AKR1C4: variants seen among roughly 807,000 people sequenced by gnomAD.
AKR1C4 encodes the protein aldo-keto reductase family 1 member C4, also known as 3-alpha-HSD1.
Under a neutral mutation model 41.0 loss-of-function variants are expected in AKR1C4, and 44 were observed. The observed-to-expected ratio is 1.07, with a 90% CI of 0.84 to 1.38. The LOEUF is 1.38. Among genes scored for constraint, AKR1C4 ranks in the 40% most tolerant of loss-of-function variants. The pLI is 0.00. For missense variants in AKR1C4, 438 were observed against 387.9 expected (o/e 1.13, Z -1.09); for synonymous variants, 165 against 137.7 (o/e 1.20, Z -1.39).
Position 5,218,737 on chromosome 10 carries a change from T to A in AKR1C4, c.949T>A (p.Tyr317Asn). ...VMDFLMDHPD[Y>N]PFSDEY Reference sequence around the variant, plus strand: ...TTTCAGTCTTATGGACCATCCTGATTATCCATTTTCAGATGAATATTAGCA... The same window carrying A: ...TTTCAGTCTTATGGACCATCCTGATAATCCATTTTCAGATGAATATTAGCA... The change falls in exon 9 of 9, where the codon TAT becomes AAT. Residue 317 changes from tyrosine (Y) to asparagine (N), a missense_variant. Transcript: ENST00000263126. 1 of 1,604,156 alleles carries A rather than the reference T, an allele frequency of 6.2e-7. No homozygotes were observed. Among genetic ancestry groups the A allele is most frequent in the South Asian group, 1.1e-5 (1 of 90,880 alleles).
Position 5,200,241 on chromosome 10 carries a change from A to G in AKR1C4, c.145A>G (p.Ile49Val), listed in dbSNP as rs571238935. Residue 49 changes from isoleucine to valine, a missense_variant, in exon 2 of 9, where the codon ATT (isoleucine) becomes GTT (valine). Ile to Val is a conservative substitution (Grantham distance 29, BLOSUM62 3). Transcript: ENST00000263126. ...KLAIEAGFRH[I>V]DSAYLYNNEE... ...AGCAATAGAAGCTGGCTTCCGCCATATTGATTCTGCTTATTTATACAATAA... is the reference window on the plus strand; with the variant it reads ...AGCAATAGAAGCTGGCTTCCGCCATGTTGATTCTGCTTATTTATACAATAA... The G allele has an allele frequency of 8.7e-6, 14 of 1,614,214 alleles. No homozygotes were observed. In the African/African-American group the frequency reaches 1.7e-4, roughly 20 times the overall value.
At chr10:5,213,711 G>A (rs1334472) in intron 7 of AKR1C4, among the ~76,000 whole-genome samples, 147,796 of 152,252 alleles carry the variant, frequency 0.97, 71,899 homozygotes, top group Middle Eastern at 1. Context: ...ATGGTTTGAA[G>A]TTTAGCCTAA....
chr10:5,204,311 G>C (rs1588338020), intron 2 of AKR1C4, 66 bp from the exon 3 acceptor site: 1 of 1,237,376 alleles, frequency 8.1e-7, no homozygotes, highest in East Asian at 2.3e-5. Flanking sequence ...TAAATATTAG[G>C]TGAAGCAAAC....
chr10:5,199,922 C>T (rs1832371132), intron 1 of AKR1C4, among the ~76,000 whole-genome samples: 1 of 152,180 alleles, frequency 6.6e-6, no homozygotes, highest in South Asian at 2.1e-4. Context: ...ACTTAAAGAA[C>T]AAAACTAAAA....
At chr10:5,214,815 C>T (rs1353402093) in intron 7 of AKR1C4, among the ~76,000 whole-genome samples, 1 of 151,982 alleles carries the variant, frequency 6.6e-6, no homozygotes, top group Non-Finnish European at 1.5e-5. Context: ...TTAGAGTATT[C>T]CATTAAAATT....
chr10:5,207,648 G>C (rs191666338), intron 5 of AKR1C4: 34 of 1,143,412 alleles, frequency 3.0e-5, no homozygotes. Flanking sequence ...GGCATTTGCA[G>C]CCTACCTGTG....
At chr10:5,207,841 C>A in intron 5 of AKR1C4, 1 of 263,164 alleles carries the variant, frequency 3.8e-6, no homozygotes, top group Non-Finnish European at 7.7e-6. Flanking sequence ...TCCTGTATGC[C>A]CTCCTGGGTG....
chr10:5,206,061 A>G (rs1213091610), intron 4 of AKR1C4, among the ~76,000 whole-genome samples: 1 of 152,198 alleles, frequency 6.6e-6, no homozygotes, highest in Non-Finnish European at 1.5e-5. Flanking sequence ...CTCCCGCTCC[A>G]TGGACATTTA....
At chr10:5,208,870 A>G (rs1221917134) in intron 5 of AKR1C4, among the ~76,000 whole-genome samples, 1 of 150,304 alleles carries the variant, frequency 6.7e-6, no homozygotes, top group Non-Finnish European at 1.5e-5. Context: ...TTATAAAACA[A>G]TGAAGAATAA....
intron 2 of AKR1C4, chr10:5,202,352 G>A (rs1437552073): frequency 5.9e-6 from 2 of 338,898 alleles, no homozygotes; most frequent in African/African-American, 4.3e-5. Flanking sequence ...TCTGTAAACG[G>A]ATTTTGTAAC....
Position 5,216,728 on chromosome 10 carries a change from G to C in AKR1C4, c.864G>C (p.Leu288Phe). The change falls in exon 8 of 9, where the codon TTG becomes TTC. Residue 288 changes from leucine (L) to phenylalanine (F), a missense_variant. Transcript: ENST00000263126. ...RENIQVFEFQ[L>F]TSEDMKVLDG... ...TTTGGTAGGTTTTTGAATTCCAGTT[G>C]ACATCAGAGGATATGAAAGTTCTAG... is the stretch of plus-strand genomic sequence containing the variant. 1 of 1,610,688 alleles carries C rather than the reference G, an allele frequency of 6.2e-7. No individual in the cohort carries two copies. Among genetic ancestry groups the C allele is most frequent in the Non-Finnish European group, 8.5e-7 (1 of 1,178,156 alleles).
chr10:5,204,181 TGTTCAGCA>T (rs1246329358), intron 2 of AKR1C4, among the ~76,000 whole-genome samples, 188 bp from the exon 3 acceptor site: 2 of 152,212 alleles, frequency 1.3e-5, no homozygotes, highest in African/African-American at 4.8e-5. Context: ...TTAATTCCAT[TGTTCAGCA>T]GTTGTACTAA....
intron 7 of AKR1C4, among the ~76,000 whole-genome samples, 197 bp from the exon 8 acceptor site, chr10:5,216,514 G>C (rs1237723566): frequency 6.6e-6 from 1 of 152,100 alleles, no homozygotes; most frequent in African/African-American, 2.4e-5. Context: ...GTTTCAATAT[G>C]TAATATCTAG....
At chr10:5,204,342 T>G in intron 2 of AKR1C4, 35 bp from the exon 3 acceptor site, 1 of 1,483,856 alleles carries the variant, frequency 6.7e-7, no homozygotes, top group South Asian at 1.2e-5. Flanking sequence ...AGCTCATGTT[T>G]TTATTCAACA....
At chr10:5,203,438 CTTTA>C (rs1425959510) in intron 2 of AKR1C4, among the ~76,000 whole-genome samples, 15 of 152,178 alleles carry the variant, frequency 9.9e-5, no homozygotes, top group Non-Finnish European at 2.1e-4. Context: ...GCCGCTTCTA[CTTTA>C]TTTCTCACCT....
intron 1 of AKR1C4, among the ~76,000 whole-genome samples, chr10:5,198,015 A>G (rs1832337892): frequency 6.6e-6 from 1 of 152,228 alleles, no homozygotes. Flanking sequence ...ATATTAAAAT[A>G]GAAAATTGTT....
chr10:5,215,616 C>T (rs1168113017), intron 7 of AKR1C4, among the ~76,000 whole-genome samples: 3 of 152,128 alleles, frequency 2.0e-5, no homozygotes, highest in African/African-American at 7.2e-5. Context: ...CACCAGATAC[C>T]CTTAGTCATC....
At chr10:5,204,957 G>T (rs1377659492) in intron 3 of AKR1C4, among the ~76,000 whole-genome samples, 2 of 152,150 alleles carry the variant, frequency 1.3e-5, no homozygotes, top group Non-Finnish European at 2.9e-5. Context: ...GAGAATCCTT[G>T]CCTTTTTCAC....
chr10:5,196,839 G>A lies in AKR1C4; in HGVS notation c.-29G>A, dbSNP rs782608580. ...TGCCAGATGTTGCTGAAGGAAACAG[G>A]ATCTGCTTAGTGAAAGAAGTGGCAA... On this transcript the variant is annotated 5_prime_UTR_variant, in exon 1 of 9. Transcript: ENST00000263126. 46 of 1,610,640 alleles carry A rather than the reference G, an allele frequency of 2.9e-5. No homozygotes were observed. The highest frequency in any genetic ancestry group is 3.3e-5 in the Admixed American group (2 of 59,976).
Sources: allele counts gnomAD v4.1 joint callset (sites outside exome capture counted in the v4.1 genomes callset), GRCh38; gene constraint gnomAD v4.1.1; transcripts MANE v1.5; gene names NCBI Gene and HGNC (gene_info 2026-07-23, HGNC 2026-07-21).